DNAJC24: variants seen among roughly 807,000 people sequenced by gnomAD.
The protein encoded by DNAJC24 is DnaJ heat shock protein family (Hsp40) member C24.
In DNAJC24, 17 loss-of-function variants were observed where a neutral mutation model predicts 18.0. The ratio of observed to expected loss-of-function variants is 0.94; its 90% CI spans 0.65 to 1.42. The LOEUF (loss-of-function observed/expected upper bound fraction) is 1.42. Among genes scored for constraint, DNAJC24 ranks in the 40% most tolerant of loss-of-function variants. DNAJC24 has a pLI of 0.00. For synonymous variants in DNAJC24, 55 were observed against 57.7 expected, an observed-to-expected ratio of 0.95 and a Z score of 0.21; for missense variants, 158 against 175.6, an observed-to-expected ratio of 0.90 and a Z score of 0.57.
At chr11:31,376,872 T>G (rs570569672) in intron 2 of DNAJC24, among the ~76,000 whole-genome samples, 1 of 152,306 alleles carries the variant, frequency 6.6e-6, no homozygotes, top group East Asian at 1.9e-4. Context: ...TTATGGCTTA[T>G]GAAGTGAAAT....
At position 31,402,782 on chromosome 11, in the gene DNAJC24, T is replaced by C. The variant is rs187440819; in HGVS notation, c.112-12029T>C. ...GCCTTAGCTTCCCAAAGTGCTGGGA[T>C]TACGGGCATGAGCTGCCACACCTGG... On this transcript the variant is annotated intron_variant, in intron 2 of 4. Coordinates refer to ENST00000465995, the MANE Select transcript of DNAJC24 (RefSeq NM_181706.5). Among the ~76,000 whole-genome samples the C allele has an allele frequency of 7.2e-5, 11 of 152,326 alleles. No homozygotes were observed. In the East Asian group the frequency reaches 2.1e-3, roughly 29 times the overall value.
rs771871037 is a variant in DNAJC24 at position 31,430,386 on chromosome 11, C to A, written c.435C>A (p.Leu145=). 3 of 1,601,280 alleles carry A rather than the reference C, an allele frequency of 1.9e-6. No individual in the cohort carries two copies. Among genetic ancestry groups the A allele is most frequent in the Admixed American group, 3.4e-5 (2 of 59,444 alleles). ...ATACATGTTCACTAATTATAGAACT[C>A]CTTCATTATAACTAAAATTGTTCAC... is the stretch of plus-strand genomic sequence containing the variant. ...SCDTCSLIIE[L]LHYN is the part of the protein sequence containing the mutation. Residue 145 remains leucine, a synonymous_variant, in exon 5 of 5, where the codon CTC becomes CTA. Coordinates refer to ENST00000465995, the MANE Select transcript of DNAJC24 (RefSeq NM_181706.5).
chr11:31,395,621 T>C (rs1952537260), intron 2 of DNAJC24, among the ~76,000 whole-genome samples: 2 of 152,226 alleles, frequency 1.3e-5, no homozygotes, highest in Admixed American at 1.3e-4. Flanking sequence ...TGACTCATAA[T>C]GTGTTATTTG....
At chr11:31,399,246 A>C (rs544022087) in intron 2 of DNAJC24, among the ~76,000 whole-genome samples, 1 of 152,218 alleles carries the variant, frequency 6.6e-6, no homozygotes, top group East Asian at 1.9e-4. Context: ...TTGGTATAAC[A>C]TTATATTTTA....
chr11:31,380,322 G>T (rs1952364298), intron 2 of DNAJC24, among the ~76,000 whole-genome samples: 1 of 152,114 alleles, frequency 6.6e-6, no homozygotes, highest in South Asian at 2.1e-4. Context: ...TCAAAATCGA[G>T]TAACATGCAA....
intron 3 of DNAJC24, among the ~76,000 whole-genome samples, chr11:31,422,764 A>G (rs758413107): frequency 1.3e-5 from 2 of 151,854 alleles, no homozygotes; most frequent in African/African-American, 2.4e-5. Context: ...TATAACCACA[A>G]TGGTGGACAA....
chr11:31,428,025 A>G (rs1005485568), intron 4 of DNAJC24: 1 of 150,928 alleles, frequency 6.6e-6, no homozygotes, highest in Non-Finnish European at 1.5e-5. Flanking sequence ...TACAAGAAAG[A>G]TTAGAAGTAT....
chr11:31,420,307 C>G (rs1231083123), intron 3 of DNAJC24, among the ~76,000 whole-genome samples: 5 of 152,026 alleles, frequency 3.3e-5, no homozygotes, highest in Admixed American at 3.3e-4. Flanking sequence ...TCCATCTCCC[C>G]TACTCCCAAC....
chr11:31,381,782 C>T (rs569230357), intron 2 of DNAJC24, among the ~76,000 whole-genome samples: 149 of 151,836 alleles, frequency 9.8e-4, no homozygotes, highest in Middle Eastern at 6.8e-3. Context: ...TCACCATGTT[C>T]GCCAGGCTGG....
rs970535652 is a variant in DNAJC24, at chr11:31,431,991, G to C, written c.*1590G>C. 6.5e-6 allele frequency: 1 copy of C among 152,832 alleles called. No individual in the cohort carries two copies. Among genetic ancestry groups the C allele is most frequent in the Non-Finnish European group, 1.5e-5 (1 of 68,572 alleles). 9.5% of individuals were successfully genotyped at this position (152,832 alleles called of 1,614,324 possible). On this transcript the variant is annotated 3_prime_UTR_variant, in exon 5 of 5. Coordinates refer to ENST00000465995, the MANE Select transcript of DNAJC24 (RefSeq NM_181706.5). ...CATTTTTCTATGTATTTAATATTTT[G>C]TGTACAGTAAAAGTCAGAACTCATT... is the stretch of plus-strand genomic sequence containing the variant.
intron 2 of DNAJC24, among the ~76,000 whole-genome samples, chr11:31,393,135 G>T (rs975032608): frequency 1.3e-5 from 2 of 152,132 alleles, no homozygotes; most frequent in Admixed American, 6.5e-5. Context: ...TTCTATGCCC[G>T]AATACAGCAG....
intron 2 of DNAJC24, chr11:31,374,015 C>T: frequency 3.5e-6 from 1 of 284,668 alleles, no homozygotes. Context: ...AATTTTCTGC[C>T]AACACAATTA....
chr11:31,428,062 A>G lies in DNAJC24; in HGVS notation c.319+1707A>G, dbSNP rs570363128. 4 of 151,774 alleles carry G rather than the reference A, an allele frequency of 2.6e-5. No individual in the cohort carries two copies. In the East Asian group the frequency reaches 7.7e-4, roughly 29 times the overall value. The allele number at this position is 151,774 out of a possible 1,614,324, so 9.4% of individuals were successfully genotyped here. ...TTATATATATATTTTTAAAAAGAAA[A>G]GGAAGAAACAATATGGCTTAAGCAT... is the stretch of plus-strand genomic sequence containing the variant. On this transcript the variant is annotated intron_variant, in intron 4 of 4. Transcript: ENST00000465995.
intron 2 of DNAJC24, among the ~76,000 whole-genome samples, chr11:31,389,878 A>G (rs1952471344): frequency 6.6e-6 from 1 of 152,238 alleles, no homozygotes. Flanking sequence ...ATATAAATAC[A>G]TGGAAATTAA....
chr11:31,388,666 C>T (rs570550835), intron 2 of DNAJC24, among the ~76,000 whole-genome samples: 9 of 152,082 alleles, frequency 5.9e-5, no homozygotes, highest in Admixed American at 2.6e-4. Flanking sequence ...AATAAGAAAC[C>T]GTCTGAAGGT....
At position 31,414,900 on chromosome 11, in the gene DNAJC24, A is replaced by G; in HGVS notation, c.201A>G (p.Lys67=). Residue 67 remains lysine (K), a synonymous_variant, in exon 3 of 5, where the codon AAA becomes AAG. Coordinates refer to ENST00000465995, the MANE Select transcript of DNAJC24 (RefSeq NM_181706.5). ...QKFIEIDQAW[K]ILGNEETKRE... ...TCATCGAAATTGATCAAGCATGGAA[A>G]ATTCTAGGAAATGAAGAGACAAAAA... 1 of 1,614,074 alleles carries G rather than the reference A, an allele frequency of 6.2e-7. No individual in the cohort carries two copies. The highest frequency in any genetic ancestry group is 1.1e-5 in the South Asian group (1 of 91,078).
chr11:31,412,433 A>G (rs900042379), intron 2 of DNAJC24, among the ~76,000 whole-genome samples: 14 of 152,206 alleles, frequency 9.2e-5, no homozygotes. Flanking sequence ...ATATTTGAAT[A>G]TGTTACATAT....
Position 31,370,847 on chromosome 11 carries a change from A to G in DNAJC24, c.99A>G (p.Lys33=), listed in dbSNP as rs770443933. 1 of 1,595,910 alleles carries G rather than the reference A, an allele frequency of 6.3e-7. No homozygotes were observed. Among genetic ancestry groups the G allele is most frequent in the East Asian group, 2.2e-5 (1 of 44,618 alleles). ...NISDLKQKYQ[K]LILMYHPDKQ... The stretch of plus-strand genomic sequence containing the variant: ...CAGACCTAAAACAAAAATATCAAAA[A>G]CTCATATTAATGGTAAGTCTTTTCT... The change falls in exon 2 of 5, where the codon AAA becomes AAG. Residue 33 remains lysine (K), a synonymous_variant. Transcript: ENST00000465995.
At chr11:31,426,385 T>TA in intron 4 of DNAJC24, 30 bp downstream of exon 4, 5 of 1,297,004 alleles carry the variant, frequency 3.9e-6, no homozygotes, top group African/African-American at 2.2e-5. Flanking sequence ...TTGACAACAT[T>TA]TAAAAAAAAA....
Sources: allele counts gnomAD v4.1 joint callset (sites outside exome capture counted in the v4.1 genomes callset), GRCh38; gene constraint gnomAD v4.1.1; transcripts MANE v1.5; gene names NCBI Gene and HGNC (gene_info 2026-07-23, HGNC 2026-07-21).